Variants in SPATA33 observed in about 807,000 individuals in gnomAD.
SPATA33 encodes spermatogenesis associated 33.
In SPATA33, 10 loss-of-function variants were observed where a neutral mutation model predicts 8.9. That is an observed-to-expected ratio of 1.12 (90% confidence interval 0.69 to 1.90). SPATA33 has a LOEUF of 1.90. SPATA33 is among the 40% of genes most tolerant of loss of function. SPATA33 has a pLI of 0.00. For synonymous variants in SPATA33, 96 were observed against 72.8 expected (o/e 1.32, Z -1.63); for missense variants, 241 against 178.3 (o/e 1.35, Z -2.00).
chr16:89,658,604 A>G lies in SPATA33; in HGVS notation c.211+183A>G. ...TAAATATCCAGAAATCTTAGTTGAA[A>G]ACATAAGTTTAATGAAAATGTAGGT... On this transcript the variant is annotated intron_variant, in intron 2 of 2. Coordinates refer to ENST00000579310, the MANE Select transcript of SPATA33 (RefSeq NM_001271907.2). The G allele has an allele frequency of 1.9e-5, 15 of 803,510 alleles. No homozygotes were observed. The South Asian group carries it at 2.6e-4, about 14-fold the overall frequency. 49.8% of individuals were successfully genotyped at this position (803,510 alleles called of 1,614,324 possible).
intron 2 of SPATA33, among the ~76,000 whole-genome samples, chr16:89,666,619 G>A (rs1277528223): frequency 3.3e-5 from 5 of 152,184 alleles, no homozygotes; most frequent in Non-Finnish European, 7.3e-5. Flanking sequence ...AAGGCAAAGA[G>A]ATAAAAGACA....
At chr16:89,662,840 C>G (rs139902569) in intron 2 of SPATA33, among the ~76,000 whole-genome samples, 3,501 of 152,204 alleles carry the variant, frequency 0.023, 48 homozygotes, top group Middle Eastern at 0.085. Flanking sequence ...GTTGCCCAGG[C>G]TGGAGTGCAG....
chr16:89,664,637 C>G (rs1055891436), intron 2 of SPATA33, among the ~76,000 whole-genome samples: 1 of 150,804 alleles, frequency 6.6e-6, no homozygotes, highest in African/African-American at 2.4e-5. Context: ...TCAGGGAAGC[C>G]AGACAGTAAA....
intron 2 of SPATA33, among the ~76,000 whole-genome samples, chr16:89,665,157 G>A (rs552872466): frequency 1.3e-5 from 2 of 152,200 alleles, no homozygotes; most frequent in South Asian, 4.1e-4. Flanking sequence ...ACCACCCCCA[G>A]CTATTTTTTG....
At chr16:89,657,973 TCCCCGCGTCTCCGCCCCTGGGCGCGGG>T in intron 1 of SPATA33, 25 bp downstream of exon 1, 1 of 1,505,212 alleles carries the variant, frequency 6.6e-7, no homozygotes, top group South Asian at 1.2e-5. Context: ...GGCGCTGGGC[TCCCCGCGTCTCCGCCCCTGGGCGCGGG>T]CCCAGGGCGG....
chr16:89,658,066 C>G, intron 1 of SPATA33, 118 bp downstream of exon 1: 1 of 1,464,050 alleles, frequency 6.8e-7, no homozygotes, highest in African/African-American at 1.4e-5. Flanking sequence ...CCGGTGCGAA[C>G]CGTTCCTGCC....
In SPATA33 at chr16:89,669,512, A is replaced by T; in HGVS notation, c.*15A>T. ...TCAAAGAATAAACAAGCACCTTTGCATGGCACTCGCTACTCCCTGCGATAG... is the reference window on the plus strand; with the variant it reads ...TCAAAGAATAAACAAGCACCTTTGCTTGGCACTCGCTACTCCCTGCGATAG... On this transcript the variant is annotated 3_prime_UTR_variant, in exon 3 of 3. Transcript: ENST00000579310. The T allele has an allele frequency of 6.2e-7, 1 of 1,611,108 alleles. No individual in the cohort carries two copies. The highest frequency in any genetic ancestry group is 1.1e-5 in the South Asian group (1 of 90,978).
rs1597801526 is a variant in SPATA33, at chr16:89,660,437, C to G, written c.211+2016C>G. ...AAGGGCCCCAGCAGTGTCTGTCACA[C>G]CAGAGGGTGGGGGAGGAAGGTGGAC... On this transcript the variant is annotated intron_variant, in intron 2 of 2. Transcript: ENST00000579310. The G allele has an allele frequency of 6.5e-6, 8 of 1,229,968 alleles. No individual in the cohort carries two copies. In the South Asian group the frequency reaches 2.9e-4, roughly 44 times the overall value. 76.2% of individuals were successfully genotyped at this position (1,229,968 alleles called of 1,614,324 possible).
chr16:89,669,234 T>C, intron 2 of SPATA33, 52 bp from the exon 3 acceptor site: 1 of 1,546,818 alleles, frequency 6.5e-7, no homozygotes, highest in Non-Finnish European at 8.9e-7. Context: ...GTGTGCATCG[T>C]GGAAGGAGCT....
chr16:89,664,932 T>C (rs2060005829), intron 2 of SPATA33, among the ~76,000 whole-genome samples: 1 of 152,204 alleles, frequency 6.6e-6, no homozygotes, highest in African/African-American at 2.4e-5. Flanking sequence ...GCCCTGAAGT[T>C]GGTGGTGATT....
In SPATA33 at chr16:89,669,372, G is replaced by C; in HGVS notation, c.298G>C (p.Val100Leu). 6.2e-7 allele frequency: 1 copy of C among 1,614,214 alleles called. No homozygotes were observed. The highest frequency in any genetic ancestry group is 8.5e-7 in the Non-Finnish European group (1 of 1,180,032). Residue 100 changes from valine (V) to leucine (L), a missense_variant, in exon 3 of 3, where the codon GTC (valine) becomes CTC (leucine). Transcript: ENST00000579310. ...CACGCGAGCGTCGAATGAGACGCTA[G>C]TCAGTTGCAGTTCCAGCGGGAGTGA... Reference protein sequence around the residue: ...IITRASNETLVSCSSSGSDQQ... With the variant: ...IITRASNETLLSCSSSGSDQQ...
rs1324875619 is a variant in SPATA33 at position 89,669,790 on chromosome 16, G to C, written c.*293G>C. The C allele has an allele frequency of 2.2e-6, 1 of 449,054 alleles. No individual in the cohort carries two copies. Among genetic ancestry groups the C allele is most frequent in the African/African-American group, 2.1e-5 (1 of 47,516 alleles). The allele number at this position is 449,054 out of a possible 1,614,324, so 27.8% of individuals were successfully genotyped here. On this transcript the variant is annotated 3_prime_UTR_variant, in exon 3 of 3. Coordinates refer to ENST00000579310, the MANE Select transcript of SPATA33 (RefSeq NM_001271907.2). The stretch of plus-strand genomic sequence containing the variant: ...GCAGTCCCCTTCTCCAGTGCTCTCG[G>C]GGAGGGTGCACCAGGCCCACCCCAC...
In SPATA33 at chr16:89,657,849, G is replaced by C. The variant is rs1469559082; in HGVS notation, c.-63G>C. On this transcript the variant is annotated 5_prime_UTR_variant, in exon 1 of 3. Coordinates refer to ENST00000579310, the MANE Select transcript of SPATA33 (RefSeq NM_001271907.2). ...CGAGGACCTTTTGTGAGTCGCTCCCGGCTCCGCGGCCGCGGAGGTGTGGGG... is the reference window on the plus strand; with the variant it reads ...CGAGGACCTTTTGTGAGTCGCTCCCCGCTCCGCGGCCGCGGAGGTGTGGGG... 6.6e-6 allele frequency: 10 copies of C among 1,509,860 alleles called. No individual in the cohort carries two copies. Among genetic ancestry groups the C allele is most frequent in the Non-Finnish European group, 8.8e-6 (10 of 1,135,904 alleles). The allele number at this position is 1,509,860 out of a possible 1,614,324, so 93.5% of individuals were successfully genotyped here.
rs751258842 is a variant in SPATA33, at chr16:89,669,517, A to G, written c.*20A>G. ...GAATAAACAAGCACCTTTGCATGGC[A>G]CTCGCTACTCCCTGCGATAGGCGTC... On this transcript the variant is annotated 3_prime_UTR_variant, in exon 3 of 3. Transcript: ENST00000579310. 19 of 1,607,706 alleles carry G rather than the reference A, an allele frequency of 1.2e-5. No homozygotes were observed. In the Admixed American group the frequency reaches 2.5e-4, roughly 21 times the overall value.
At chr16:89,663,229 A>G (rs1197521245) in intron 2 of SPATA33, among the ~76,000 whole-genome samples, 1 of 150,136 alleles carries the variant, frequency 6.7e-6, no homozygotes, top group Non-Finnish European at 1.5e-5. Context: ...CACATGCTGT[A>G]TGATTCCATT....
intron 2 of SPATA33, among the ~76,000 whole-genome samples, chr16:89,664,504 C>T (rs1025917279): frequency 6.6e-6 from 1 of 152,210 alleles, no homozygotes; most frequent in African/African-American, 2.4e-5. Context: ...CGAGATGATC[C>T]TGGATGGGCC....
chr16:89,658,361 G>A lies in SPATA33; in HGVS notation c.151G>A (p.Asp51Asn). 1 of 1,613,658 alleles carries A rather than the reference G, an allele frequency of 6.2e-7. No homozygotes were observed. The highest frequency in any genetic ancestry group is 8.5e-7 in the Non-Finnish European group (1 of 1,180,016). The change falls in exon 2 of 3, where the codon GAC becomes AAC. Residue 51 changes from aspartate to asparagine, a missense_variant. Coordinates refer to ENST00000579310, the MANE Select transcript of SPATA33 (RefSeq NM_001271907.2). Reference protein sequence around the residue: ...QADRESEKPVDSLHPGAGTAK... With the variant: ...QADRESEKPVNSLHPGAGTAK... ...AGACAGGGAGTCGGAGAAGCCTGTGGACAGCCTCCACCCGGGGGCCGGGAC... is the reference window on the plus strand; with the variant it reads ...AGACAGGGAGTCGGAGAAGCCTGTGAACAGCCTCCACCCGGGGGCCGGGAC...
At position 89,658,365 on chromosome 16, in the gene SPATA33, G is replaced by A; in HGVS notation, c.155G>A (p.Ser52Asn). The A allele has an allele frequency of 1.2e-6, 2 of 1,613,444 alleles. No individual in the cohort carries two copies. The highest frequency in any genetic ancestry group is 1.7e-6 in the Non-Finnish European group (2 of 1,179,990). Residue 52 changes from serine (S) to asparagine (N), a missense_variant, in exon 2 of 3, where the codon AGC becomes AAC. Physicochemically the swap from Ser to Asn is conservative, Grantham distance 46. Transcript: ENST00000579310. Reference protein sequence around the residue: ...ADRESEKPVDSLHPGAGTAKH... With the variant: ...ADRESEKPVDNLHPGAGTAKH... ...AGGGAGTCGGAGAAGCCTGTGGACAGCCTCCACCCGGGGGCCGGGACAGCC... is the reference window on the plus strand; with the variant it reads ...AGGGAGTCGGAGAAGCCTGTGGACAACCTCCACCCGGGGGCCGGGACAGCC...
At position 89,658,383 on chromosome 16, in the gene SPATA33, G is replaced by T; in HGVS notation, c.173G>T (p.Gly58Val). 1 of 1,612,644 alleles carries T rather than the reference G, an allele frequency of 6.2e-7. No individual in the cohort carries two copies. Among genetic ancestry groups the T allele is most frequent in the Non-Finnish European group, 8.5e-7 (1 of 1,179,752 alleles). Residue 58 changes from glycine (G) to valine (V), a missense_variant, in exon 2 of 3, where the codon GGG becomes GTG. Gly to Val is a moderately radical substitution (Grantham distance 109). Coordinates refer to ENST00000579310, the MANE Select transcript of SPATA33 (RefSeq NM_001271907.2). ...GTGGACAGCCTCCACCCGGGGGCCGGGACAGCCAAGCACCCGCCGCCGGCA... is the reference window on the plus strand; with the variant it reads ...GTGGACAGCCTCCACCCGGGGGCCGTGACAGCCAAGCACCCGCCGCCGGCA... Reference protein sequence around the residue: ...KPVDSLHPGAGTAKHPPPAAS... With the variant: ...KPVDSLHPGAVTAKHPPPAAS...
Sources: gnomAD v4.1 joint callset for allele counts (sites outside exome capture counted in the v4.1 genomes callset) on GRCh38, gnomAD v4.1.1 for gene constraint, MANE v1.5 for transcripts, NCBI Gene and HGNC (gene_info 2026-07-23, HGNC 2026-07-21) for gene names.